The following RAB33A variants were observed in gnomAD, a reference collection of about 807,000 sequenced individuals.
RAB33A encodes ras-related protein Rab-33A.
Under a neutral mutation model 12.0 loss-of-function variants are expected in RAB33A, and 6 were observed. The ratio of observed to expected loss-of-function variants is 0.50; its 90% CI spans 0.27 to 0.99. The LOEUF (loss-of-function observed/expected upper bound fraction) is 0.99. Ranked by LOEUF, RAB33A falls within the 50% of genes least tolerant of loss-of-function variation. The pLI is 0.11. For missense variants in RAB33A, 109 were observed against 192.0 expected, an observed-to-expected ratio of 0.57 and a Z score of 2.55; for synonymous variants, 70 against 82.4, an observed-to-expected ratio of 0.85 and a Z score of 0.81.
At chrX:130,114,318 C>T in the RAB33A span, among the ~76,000 whole-genome samples, 1 of 111,783 alleles carries the variant, frequency 8.9e-6, no homozygotes, top group Non-Finnish European at 1.9e-5. Flanking sequence ...CTGCGCGTTG[C>T]AGCCAAAGCT....
At chrX:130,180,650 G>T (rs2031715661) in intron 1 of RAB33A, among the ~76,000 whole-genome samples, 1 of 104,328 alleles carries the variant, frequency 9.6e-6, no homozygotes, top group Non-Finnish European at 2.0e-5. Context: ...TAGAGACGGG[G>T]TTTAACTGTG....
In RAB33A at chrX:130,176,901, C is replaced by G. The variant is rs979462028; in HGVS notation, c.258+4581C>G. On this transcript the variant is annotated intron_variant, in intron 1 of 1. Coordinates refer to ENST00000257017, the MANE Select transcript of RAB33A (RefSeq NM_004794.3). ...CCTTTTTTTGCACTTCTACCCTCCCCCATCGGCCTCCAACAAAAGCACATT... is the reference window on the plus strand; with the variant it reads ...CCTTTTTTTGCACTTCTACCCTCCCGCATCGGCCTCCAACAAAAGCACATT... Among the ~76,000 whole-genome samples the G allele has an allele frequency of 2.7e-5, 3 of 112,141 alleles. No individual in the cohort carries two copies. In the Admixed American group the frequency reaches 2.8e-4, roughly 11 times the overall value.
chrX:130,145,639 TA>T, the RAB33A span: 1 of 848,650 alleles, frequency 1.2e-6, no homozygotes, highest in Non-Finnish European at 1.7e-6. Context: ...GTAGCTTTAA[TA>T]AAACTGTTTC....
the RAB33A span, chrX:130,165,496 G>T: frequency 9.8e-6 from 10 of 1,020,524 alleles, no homozygotes; most frequent in South Asian, 1.4e-4. Context: ...AAGGCACAGG[G>T]AGCCTAAGGC....
At chrX:130,126,307 C>T in the RAB33A span, among the ~76,000 whole-genome samples, 159 of 111,102 alleles carry the variant, frequency 1.4e-3, no homozygotes, top group African/African-American at 4.9e-3. Flanking sequence ...GCCTGGCCAA[C>T]GTGGCGAAAC....
chrX:130,134,094 G>A, the RAB33A span, among the ~76,000 whole-genome samples: 9 of 110,419 alleles, frequency 8.2e-5, no homozygotes, highest in African/African-American at 2.0e-4. Context: ...AAAATTAGGC[G>A]TGTGTGGTGG....
At chrX:130,172,802 G>T (rs2031626350) in intron 1 of RAB33A, among the ~76,000 whole-genome samples, 1 of 112,186 alleles carries the variant, frequency 8.9e-6, no homozygotes, top group East Asian at 2.8e-4. Context: ...AATCCATGGA[G>T]AATGAAAAAG....
the RAB33A span, chrX:130,155,078 T>A: frequency 9.0e-7 from 1 of 1,111,753 alleles, no homozygotes; most frequent in Non-Finnish European, 1.2e-6. Context: ...TTTACTATAT[T>A]CTAATGTATC....
chrX:130,122,667 G>A, the RAB33A span, among the ~76,000 whole-genome samples: 5 of 112,001 alleles, frequency 4.5e-5, no homozygotes, highest in East Asian at 5.6e-4. Flanking sequence ...TTGAAAGCCT[G>A]GGTTATGATG....
the RAB33A span, among the ~76,000 whole-genome samples, chrX:130,161,555 T>C: frequency 9.4e-6 from 1 of 106,755 alleles, no homozygotes; most frequent in Non-Finnish European, 1.9e-5. Context: ...CTAGATAGTC[T>C]GTCCATTGTA....
the RAB33A span, among the ~76,000 whole-genome samples, chrX:130,152,340 C>T: frequency 2.7e-5 from 3 of 110,609 alleles, no homozygotes; most frequent in South Asian, 1.1e-3. Context: ...AGAATGAGGT[C>T]GATCTGTCTG....
chrX:130,150,227 A>G, the RAB33A span, among the ~76,000 whole-genome samples: 2 of 109,888 alleles, frequency 1.8e-5, no homozygotes, highest in Non-Finnish European at 3.8e-5. Flanking sequence ...CAAATATTCT[A>G]TCTTCTCTAT....
chrX:130,130,732 G>A, the RAB33A span, among the ~76,000 whole-genome samples: 3 of 112,216 alleles, frequency 2.7e-5, no homozygotes, highest in South Asian at 3.7e-4. Flanking sequence ...TATTAGACAG[G>A]TACTTTAGAC....
the RAB33A span, among the ~76,000 whole-genome samples, chrX:130,141,671 G>A: frequency 9.0e-6 from 1 of 111,264 alleles, no homozygotes; most frequent in Non-Finnish European, 1.9e-5. Flanking sequence ...GGACATCAGA[G>A]GAGTCCTATA....
chrX:130,174,567 G>A (rs2031645348), intron 1 of RAB33A, among the ~76,000 whole-genome samples: 1 of 112,552 alleles, frequency 8.9e-6, no homozygotes, highest in Non-Finnish European at 1.9e-5. Context: ...CCAAAGCCAT[G>A]CTTGGAGATG....
At chrX:130,182,179 T>TATACACACACAC (rs1556296464) in intron 1 of RAB33A, among the ~76,000 whole-genome samples, 18 of 72,665 alleles carry the variant, frequency 2.5e-4, no homozygotes, top group African/African-American at 1.1e-3. Flanking sequence ...TATATATATA[T>TATACACACACAC]ATACACATAT....
At chrX:130,117,953 A>C in the RAB33A span, among the ~76,000 whole-genome samples, 3 of 112,177 alleles carry the variant, frequency 2.7e-5, no homozygotes, top group Non-Finnish European at 3.8e-5. Flanking sequence ...TTGTCAACAC[A>C]GGGAGGTTTT....
chrX:130,129,982 T>G, the RAB33A span: 9 of 1,210,054 alleles, frequency 7.4e-6, no homozygotes, highest in Non-Finnish European at 1.0e-5. Context: ...TCCTTGCTAT[T>G]GGCATTCGGT....
chrX:130,158,496 G>A, the RAB33A span, among the ~76,000 whole-genome samples: 1 of 110,093 alleles, frequency 9.1e-6, no homozygotes, highest in Admixed American at 9.7e-5. Context: ...ATAGATCTGG[G>A]ATGGGGCTCA....
Sources: allele counts gnomAD v4.1 joint callset (sites outside exome capture counted in the v4.1 genomes callset), GRCh38; gene constraint gnomAD v4.1.1; transcripts MANE v1.5; gene names NCBI Gene and HGNC (gene_info 2026-07-23, HGNC 2026-07-21).